The following NME7 variants were observed in gnomAD, a reference collection of about 807,000 sequenced individuals.
NME7 encodes the protein nucleoside diphosphate kinase 7.
A neutral mutation model predicts 49.1 loss-of-function variants in NME7; 41 were observed. That is an observed-to-expected ratio of 0.83 (90% CI 0.65 to 1.08). The LOEUF (loss-of-function observed/expected upper bound fraction) is 1.08. NME7 is among the 50% of genes least tolerant of loss of function. NME7 has a pLI of 0.00. For synonymous variants in NME7, 139 were observed against 150.6 expected (o/e 0.92, Z 0.56); for missense variants, 423 against 463.4 (o/e 0.91, Z 0.80).
intron 1 of NME7, among the ~76,000 whole-genome samples, chr1:169,335,969 G>A (rs944569072): frequency 2.0e-5 from 3 of 151,802 alleles, no homozygotes; most frequent in East Asian, 1.9e-4. Flanking sequence ...TGGTCTCACC[G>A]ACTTCAAGAA....
At chr1:169,295,940 G>A (rs528076521) in intron 6 of NME7, among the ~76,000 whole-genome samples, 3 of 151,976 alleles carry the variant, frequency 2.0e-5, no homozygotes, top group Admixed American at 6.6e-5. Flanking sequence ...TGCTATAGAC[G>A]AGTACCTGAG....
chr1:169,322,417 T>C (rs1651881628), intron 3 of NME7: 1 of 152,196 alleles, frequency 6.6e-6, no homozygotes, highest in African/African-American at 2.4e-5. Context: ...ACTCTTCCTT[T>C]AGACATACCG....
intron 4 of NME7, among the ~76,000 whole-genome samples, chr1:169,307,894 C>T (rs1651237012): frequency 6.6e-6 from 1 of 151,974 alleles, no homozygotes; most frequent in Admixed American, 6.6e-5. Flanking sequence ...GTGGTGTGCT[C>T]CTGTAGTTCC....
At chr1:169,150,270 T>A in intron 11 of NME7, among the ~76,000 whole-genome samples, 1 of 152,180 alleles carries the variant, frequency 6.6e-6, no homozygotes, top group East Asian at 1.9e-4. Flanking sequence ...TTGTGCTCTA[T>A]AAGACAGCTG....
At chr1:169,230,538 T>A (rs2101818799) in intron 10 of NME7, among the ~76,000 whole-genome samples, 180 bp downstream of exon 10, 1 of 152,254 alleles carries the variant, frequency 6.6e-6, no homozygotes, top group East Asian at 1.9e-4. Context: ...ACAAAAAAAA[T>A]TATCTTTCTT....
intron 4 of NME7, among the ~76,000 whole-genome samples, chr1:169,304,377 G>A (rs1651094129): frequency 6.6e-6 from 1 of 152,094 alleles, no homozygotes; most frequent in Non-Finnish European, 1.5e-5. Flanking sequence ...CAACCTTTCA[G>A]GCTTGAGAAT....
At chr1:169,187,123 G>C (rs985743718) in intron 10 of NME7, among the ~76,000 whole-genome samples, 13 of 152,148 alleles carry the variant, frequency 8.5e-5, no homozygotes, top group Non-Finnish European at 1.5e-5. Context: ...TGGTCTGAGA[G>C]ACTGTTATGA....
At chr1:169,307,668 T>C (rs1310797388) in intron 4 of NME7, among the ~76,000 whole-genome samples, 3 of 152,134 alleles carry the variant, frequency 2.0e-5, no homozygotes, top group Non-Finnish European at 2.9e-5. Context: ...ACTAGAAGTA[T>C]AGAGACACTA....
At chr1:169,303,080 G>A in intron 5 of NME7, 65 bp downstream of exon 5, 1 of 1,078,814 alleles carries the variant, frequency 9.3e-7, no homozygotes, top group Non-Finnish European at 1.4e-6. Flanking sequence ...TTTTACAAAT[G>A]TAACTCCATA....
chr1:169,143,466 A>G (rs188237282), intron 11 of NME7, among the ~76,000 whole-genome samples: 95 of 152,058 alleles, frequency 6.2e-4, no homozygotes, highest in Non-Finnish European at 1.2e-3. Context: ...TTAATCCCCC[A>G]TCTACACCAG....
chr1:169,177,711 T>TCAA (rs1419383290), intron 10 of NME7, among the ~76,000 whole-genome samples: 2 of 152,122 alleles, frequency 1.3e-5, no homozygotes, highest in Admixed American at 1.3e-4. Context: ...ACTAGTCACA[T>TCAA]CAACCCCTTC....
chr1:169,303,224 A>C, intron 4 of NME7, 29 bp from the exon 5 acceptor site: 1 of 1,215,236 alleles, frequency 8.2e-7, no homozygotes, highest in Admixed American at 2.1e-5. Flanking sequence ...GGCAATAGTT[A>C]AGAATTATAA....
At chr1:169,206,684 A>T (rs7538158) in intron 10 of NME7, among the ~76,000 whole-genome samples, 10,661 of 152,214 alleles carry the variant, frequency 0.07, 1,487 homozygotes, top group East Asian at 0.66. Flanking sequence ...TCTAAAATAA[A>T]ATTATCAGAA....
At chr1:169,188,464 C>T (rs1396790076) in intron 10 of NME7, among the ~76,000 whole-genome samples, 1 of 152,216 alleles carries the variant, frequency 6.6e-6, no homozygotes, top group African/African-American at 2.4e-5. Flanking sequence ...TGCCTGGGTA[C>T]TCCCTCATTA....
intron 10 of NME7, among the ~76,000 whole-genome samples, chr1:169,188,794 TGAG>T: frequency 6.6e-6 from 1 of 152,316 alleles, no homozygotes; most frequent in East Asian, 1.9e-4. Flanking sequence ...TGTTACACAC[TGAG>T]GTGATACCAT....
chr1:169,150,164 T>A (rs779716792), intron 11 of NME7, among the ~76,000 whole-genome samples: 1 of 152,196 alleles, frequency 6.6e-6, no homozygotes, highest in Non-Finnish European at 1.5e-5. Context: ...AGAATGAGAC[T>A]CTGTCTCTAG....
intron 1 of NME7, among the ~76,000 whole-genome samples, chr1:169,364,469 C>T (rs1243376865): frequency 6.6e-6 from 1 of 152,146 alleles, no homozygotes; most frequent in Non-Finnish European, 1.5e-5. Context: ...TGGCCTTGAA[C>T]TCTTGGCCTC....
intron 7 of NME7, among the ~76,000 whole-genome samples, chr1:169,270,612 T>A (rs562158641): frequency 7.5e-6 from 1 of 134,040 alleles, no homozygotes; most frequent in African/African-American, 2.5e-5. Flanking sequence ...AATTAAAAGA[T>A]AATGATATTA....
chr1:169,283,094 G>C (rs1650098777), intron 7 of NME7, among the ~76,000 whole-genome samples: 1 of 152,038 alleles, frequency 6.6e-6, no homozygotes, highest in African/African-American at 2.4e-5. Context: ...TCACTTTGTA[G>C]GCCTCTAAGC....
Sources: gnomAD v4.1 joint callset for allele counts (sites outside exome capture counted in the v4.1 genomes callset) on GRCh38, gnomAD v4.1.1 for gene constraint, MANE v1.5 for transcripts, NCBI Gene and HGNC (gene_info 2026-07-23, HGNC 2026-07-21) for gene names.